Variants in ESR2 observed in about 807,000 individuals in gnomAD.
The protein encoded by ESR2 is estrogen receptor beta.
ESR2 carries 36 observed loss-of-function variants against 49.6 expected under a neutral mutation model. The ratio of observed to expected loss-of-function variants is 0.73; its 90% CI spans 0.56 to 0.96. The LOEUF is 0.96. Among genes scored for constraint, ESR2 ranks in the 40% least tolerant of loss-of-function variants. The pLI, the probability that ESR2 is intolerant of heterozygous loss-of-function variation, is 0.00. For missense variants in ESR2, 714 were observed against 693.0 expected (o/e 1.03, Z -0.34); for synonymous variants, 320 against 266.1 (o/e 1.20, Z -1.97).
intron 1 of ESR2, among the ~76,000 whole-genome samples, chr14:64,328,604 A>G (rs1249103699): frequency 6.6e-6 from 1 of 152,172 alleles, no homozygotes. Flanking sequence ...GTGTTGCTAT[A>G]AGGGAATACT....
intron 6 of ESR2, 22 bp from the exon 7 acceptor site, chr14:64,249,701 T>C (rs2075950630): frequency 6.3e-7 from 1 of 1,599,946 alleles, no homozygotes; most frequent in Admixed American, 1.7e-5. Flanking sequence ...CGTTTGGAAA[T>C]TTAAGGAACA....
intron 1 of ESR2, among the ~76,000 whole-genome samples, chr14:64,305,018 T>C (rs908790440): frequency 3.9e-5 from 6 of 152,154 alleles, no homozygotes; most frequent in Admixed American, 2.0e-4. Context: ...CGGCCAGGCG[T>C]GGTGGCTCAC....
intron 7 of ESR2, among the ~76,000 whole-genome samples, chr14:64,240,355 G>A (rs1394577119): frequency 1.3e-5 from 2 of 152,234 alleles, no homozygotes; most frequent in Non-Finnish European, 2.9e-5. Flanking sequence ...ATGGAATAGA[G>A]AAGTTCGCAG....
At chr14:64,244,704 C>T (rs2075812575) in intron 7 of ESR2, among the ~76,000 whole-genome samples, 1 of 152,206 alleles carries the variant, frequency 6.6e-6, no homozygotes, top group Admixed American at 6.5e-5. Context: ...TACACTGAGC[C>T]ATGCTACTGG....
intron 1 of ESR2, among the ~76,000 whole-genome samples, chr14:64,322,594 C>T (rs1254121810): frequency 6.6e-6 from 1 of 151,262 alleles, no homozygotes; most frequent in East Asian, 1.9e-4. Context: ...AATGAGGTAC[C>T]TTGTTTTTTG....
chr14:64,244,470 C>G lies in ESR2; in HGVS notation c.1225+5076G>C, dbSNP rs1268643188. Among the ~76,000 whole-genome samples the G allele has an allele frequency of 2.0e-5, 3 of 151,890 alleles. No individual in the cohort carries two copies. The East Asian group carries it at 5.8e-4, about 29-fold the overall frequency. Reference sequence around the variant, plus strand: ...TGCCCTTAGCCAATGTTGGCAGGCACCGTCCAATTGGCTGAGTGCCCAGAT... The same window carrying G: ...TGCCCTTAGCCAATGTTGGCAGGCAGCGTCCAATTGGCTGAGTGCCCAGAT... On this transcript the variant is annotated intron_variant, in intron 7 of 8. Coordinates refer to ENST00000341099, the MANE Select transcript of ESR2 (RefSeq NM_001437.3).
At chr14:64,257,492 G>T in intron 5 of ESR2, 128 bp from the exon 6 acceptor site, 1 of 1,190,124 alleles carries the variant, frequency 8.4e-7, no homozygotes, top group Non-Finnish European at 1.2e-6. Flanking sequence ...ATATTTTATA[G>T]ATGTGATTAA....
At chr14:64,290,695 AC>A (rs1455119594) in intron 1 of ESR2, among the ~76,000 whole-genome samples, 2 of 152,110 alleles carry the variant, frequency 1.3e-5, no homozygotes, top group African/African-American at 4.8e-5. Context: ...GAGCCACCAC[AC>A]CCAGCCTTTT....
rs2140726844 is a variant in ESR2, at chr14:64,260,607, G to A, written c.794C>T (p.Pro265Leu). Reference sequence around the variant, plus strand: ...CAGGAGGGTGAGCACTAGCTGCTCGGGGCTCAGGGCGTCCAGCAGCAGCTC... The same window carrying A: ...CAGGAGGGTGAGCACTAGCTGCTCGAGGCTCAGGGCGTCCAGCAGCAGCTC... Reference protein sequence around the residue: ...VRELLLDALSPEQLVLTLLEA... With the variant: ...VRELLLDALSLEQLVLTLLEA... The change falls in exon 5 of 9, where the codon CCC becomes CTC. Residue 265 changes from proline (P) to leucine (L), a missense_variant. Coordinates refer to ENST00000341099, the MANE Select transcript of ESR2 (RefSeq NM_001437.3). 1 of 1,610,878 alleles carries A rather than the reference G, an allele frequency of 6.2e-7. No individual in the cohort carries two copies. Among genetic ancestry groups the A allele is most frequent in the Non-Finnish European group, 8.5e-7 (1 of 1,178,318 alleles).
Position 64,228,361 on chromosome 14 carries a change from A to T in ESR2, c.*4776T>A, listed in dbSNP as rs2098724229. 6.6e-6 allele frequency among the ~76,000 whole-genome samples: 1 copy of T among 152,236 alleles called. No homozygotes were observed. The highest frequency in any genetic ancestry group is 2.4e-5 in the African/African-American group (1 of 41,458). Reference sequence around the variant, plus strand: ...GAAACACTTTATTTATATCATGTTAAACTCTCTACGACAGTGCCATAGACA... The same window carrying T: ...GAAACACTTTATTTATATCATGTTATACTCTCTACGACAGTGCCATAGACA... On this transcript the variant is annotated 3_prime_UTR_variant, in exon 9 of 9. Transcript: ENST00000341099.
chr14:64,257,409 C>T, intron 5 of ESR2, 45 bp from the exon 6 acceptor site: 4 of 1,609,486 alleles, frequency 2.5e-6, no homozygotes, highest in Non-Finnish European at 3.4e-6. Flanking sequence ...CCCTCCTCCT[C>T]AGCTCCCTGT....
At chr14:64,258,893 G>C (rs910096951) in intron 5 of ESR2, among the ~76,000 whole-genome samples, 11 of 152,132 alleles carry the variant, frequency 7.2e-5, no homozygotes, top group African/African-American at 2.7e-4. Flanking sequence ...CAATGACTAT[G>C]CCAGCTAAGA....
intron 1 of ESR2, among the ~76,000 whole-genome samples, chr14:64,307,302 C>T (rs2077116149): frequency 6.6e-6 from 1 of 151,616 alleles, no homozygotes; most frequent in African/African-American, 2.4e-5. Flanking sequence ...ACCTCTGCCT[C>T]CTGGGTTCAA....
chr14:64,244,884 A>C (rs2075816030), intron 7 of ESR2, among the ~76,000 whole-genome samples: 1 of 152,214 alleles, frequency 6.6e-6, no homozygotes, highest in Admixed American at 6.5e-5. Context: ...CCTGCTTTGC[A>C]ACCTGGAAAC....
intron 1 of ESR2, among the ~76,000 whole-genome samples, chr14:64,292,350 C>T (rs1228811568): frequency 1.3e-5 from 2 of 152,072 alleles, no homozygotes; most frequent in African/African-American, 4.8e-5. Context: ...ACAAAGGGGA[C>T]TTTTGGGGTA....
intron 4 of ESR2, among the ~76,000 whole-genome samples, chr14:64,262,937 AT>A (rs2076251512): frequency 6.6e-6 from 1 of 152,174 alleles, no homozygotes; most frequent in Admixed American, 6.5e-5. Flanking sequence ...TTGAAACAGA[AT>A]GTATGACTTT....
chr14:64,333,058 T>C (rs911329810), intron 1 of ESR2, among the ~76,000 whole-genome samples: 1 of 151,586 alleles, frequency 6.6e-6, no homozygotes, highest in African/African-American at 2.4e-5. Flanking sequence ...TTGTATTTTT[T>C]AGTAGAGATG....
chr14:64,261,232 CTTTTTTCTTTTTT>C (rs2076216037), intron 4 of ESR2, among the ~76,000 whole-genome samples: 1 of 88,682 alleles, frequency 1.1e-5, no homozygotes, highest in South Asian at 4.1e-4. Context: ...TTTTATTTTT[CTTTTTTCTTTTTT>C]TTTTTTTTTT....
intron 1 of ESR2, among the ~76,000 whole-genome samples, chr14:64,288,854 C>G (rs188407267): frequency 6.6e-6 from 1 of 151,480 alleles, no homozygotes; most frequent in East Asian, 2.0e-4. Context: ...GGTGTGGCAG[C>G]GCTTGCCTGT....
Sources: allele counts gnomAD v4.1 joint callset (sites outside exome capture counted in the v4.1 genomes callset), GRCh38; gene constraint gnomAD v4.1.1; transcripts MANE v1.5; gene names NCBI Gene and HGNC (gene_info 2026-07-23, HGNC 2026-07-21).